ITFG1: variants seen among roughly 807,000 people sequenced by gnomAD.
ITFG1 encodes the protein T-cell immunomodulatory protein.
ITFG1 carries 34 observed loss-of-function variants against 81.8 expected under a neutral mutation model. The ratio of observed to expected loss-of-function variants is 0.42; its 90% CI spans 0.32 to 0.55. The LOEUF (loss-of-function observed/expected upper bound fraction) is 0.55, where lower values mean the gene tolerates loss of function less well. Among genes scored for constraint, ITFG1 ranks in the 20% least tolerant of loss-of-function variants. ITFG1 has a pLI of 0.17. For missense variants in ITFG1, 672 were observed against 755.4 expected (o/e 0.89, Z 1.29); for synonymous variants, 285 against 270.6 (o/e 1.05, Z -0.52).
intron 8 of ITFG1, among the ~76,000 whole-genome samples, chr16:47,336,612 T>C (rs1422662640): frequency 6.6e-6 from 1 of 152,154 alleles, no homozygotes; most frequent in Non-Finnish European, 1.5e-5. Context: ...CAAAAGATGA[T>C]GGATCAAGTC....
At position 47,162,648 on chromosome 16, in the gene ITFG1, T is replaced by G; in HGVS notation, c.1470A>C (p.Gln490His). 6.2e-7 allele frequency: 1 copy of G among 1,602,212 alleles called. No individual in the cohort carries two copies. Among genetic ancestry groups the G allele is most frequent in the Non-Finnish European group, 8.5e-7 (1 of 1,174,894 alleles). Residue 490 changes from glutamine (Q) to histidine (H), a missense_variant, in exon 15 of 18, where the codon CAA becomes CAC. Physicochemically the swap from Gln to His is conservative, Grantham distance 24. Transcript: ENST00000320640. Reference sequence around the variant, plus strand: ...GTAGTTGGAGAGCTAAATGTGCGGATTGGCTGAGTTGGCCAGCTAGAGTTA... The same window carrying G: ...GTAGTTGGAGAGCTAAATGTGCGGAGTGGCTGAGTTGGCCAGCTAGAGTTA... The part of the protein sequence containing the change: ...LKNGSAGQLS[Q>H]SAHLALQLPY...
intron 8 of ITFG1, among the ~76,000 whole-genome samples, chr16:47,359,132 C>T (rs1567473382): frequency 6.6e-6 from 1 of 152,164 alleles, no homozygotes; most frequent in Admixed American, 6.5e-5. Context: ...GGCAATGTGA[C>T]TGGAGCACAG....
chr16:47,305,376 C>T (rs1039208979), intron 10 of ITFG1, among the ~76,000 whole-genome samples: 1 of 152,026 alleles, frequency 6.6e-6, no homozygotes, highest in Admixed American at 6.5e-5. Flanking sequence ...TGAACAAAGA[C>T]ATTTTTCAAG....
intron 10 of ITFG1, among the ~76,000 whole-genome samples, chr16:47,309,068 C>CTTTTTT (rs1188663308): frequency 7.3e-6 from 1 of 136,318 alleles, no homozygotes; most frequent in Non-Finnish European, 1.6e-5. Flanking sequence ...AACATAACTT[C>CTTTTTT]TTTTTTTTTT....
At position 47,461,004 on chromosome 16, in the gene ITFG1, G is replaced by A. The variant is rs758228621; in HGVS notation, c.42C>T (p.Phe14=). Residue 14 remains phenylalanine (F), a synonymous_variant, in exon 1 of 18, where the codon TTC becomes TTT. Coordinates refer to ENST00000320640, the MANE Select transcript of ITFG1 (RefSeq NM_030790.5). ...GTGCAAGCCCTGCGAGGAGCGGCGA[G>A]AAGAGGGCCCAGGAGCTCGGGAGCC... The part of the protein sequence containing the change: ...AGRLPSSWAL[F]SPLLAGLALL... 30 of 1,562,904 alleles carry A rather than the reference G, an allele frequency of 1.9e-5. No homozygotes were observed. The highest frequency in any genetic ancestry group is 2.4e-5 in the Non-Finnish European group (28 of 1,155,004).
At chr16:47,453,028 G>A (rs1219939684) in intron 3 of ITFG1, among the ~76,000 whole-genome samples, 3 of 152,204 alleles carry the variant, frequency 2.0e-5, no homozygotes, top group East Asian at 3.9e-4. Flanking sequence ...CTCCTTTTGA[G>A]GTATGCATCT....
intron 12 of ITFG1, among the ~76,000 whole-genome samples, chr16:47,243,577 G>A (rs1221294827): frequency 1.3e-5 from 2 of 152,096 alleles, no homozygotes; most frequent in Middle Eastern, 3.2e-3. Flanking sequence ...AATATCCACT[G>A]AGAGATAAAA....
At chr16:47,177,067 C>T (rs928086820) in intron 14 of ITFG1, among the ~76,000 whole-genome samples, 4 of 151,816 alleles carry the variant, frequency 2.6e-5, no homozygotes, top group Non-Finnish European at 5.9e-5. Flanking sequence ...TCAAGTGATC[C>T]TCTGGCCTCA....
intron 10 of ITFG1, among the ~76,000 whole-genome samples, chr16:47,301,174 C>A (rs577434862): frequency 6.6e-6 from 1 of 152,128 alleles, no homozygotes; most frequent in East Asian, 1.9e-4. Flanking sequence ...AAACAAGCAC[C>A]ATTAGGCAAT....
At chr16:47,290,551 C>A (rs1476717135) in intron 10 of ITFG1, among the ~76,000 whole-genome samples, 2 of 152,132 alleles carry the variant, frequency 1.3e-5, no homozygotes, top group East Asian at 3.8e-4. Context: ...GTTCCTCAAT[C>A]ATTATATAAT....
intron 10 of ITFG1, among the ~76,000 whole-genome samples, chr16:47,266,851 A>G (rs1966282180): frequency 6.6e-6 from 1 of 152,254 alleles, no homozygotes; most frequent in South Asian, 2.1e-4. Context: ...ATATCTATAT[A>G]ACAAAATTCT....
At chr16:47,406,039 T>C (rs1181779133) in intron 6 of ITFG1, among the ~76,000 whole-genome samples, 1 of 152,216 alleles carries the variant, frequency 6.6e-6, no homozygotes, top group Non-Finnish European at 1.5e-5. Flanking sequence ...TCCATTACTT[T>C]GTCTCTCTGG....
chr16:47,460,699 G>A (rs1350864475), intron 1 of ITFG1, 139 bp downstream of exon 1: 6 of 910,788 alleles, frequency 6.6e-6, no homozygotes, highest in Non-Finnish European at 1.0e-5. Context: ...AAGCTGTTAA[G>A]AATGCTAAAG....
chr16:47,330,027 T>C (rs943928585), intron 8 of ITFG1, among the ~76,000 whole-genome samples: 5 of 152,028 alleles, frequency 3.3e-5, no homozygotes, highest in Non-Finnish European at 4.4e-5. Flanking sequence ...TAGTTTCTTC[T>C]GGAGAACATA....
chr16:47,364,244 A>G (rs1968147046), intron 8 of ITFG1, among the ~76,000 whole-genome samples: 1 of 152,180 alleles, frequency 6.6e-6, no homozygotes, highest in Non-Finnish European at 1.5e-5. Flanking sequence ...GCTATTAAAA[A>G]CATGGAGCAA....
rs557724639 is a variant in ITFG1, at chr16:47,453,761, T to C, written c.427+252A>G. On this transcript the variant is annotated intron_variant, in intron 3 of 17. Coordinates refer to ENST00000320640, the MANE Select transcript of ITFG1 (RefSeq NM_030790.5). ...GTTTATTCTTTAGCCATCTCAATGA[T>C]TCTGTGAGCCACTAAAATCCTTTAA... is the stretch of plus-strand genomic sequence containing the variant. Among the ~76,000 whole-genome samples, 16 of 152,326 alleles carry C rather than the reference T, an allele frequency of 1.1e-4. No homozygotes were observed. In the South Asian group the frequency reaches 2.5e-3, roughly 24 times the overall value.
chr16:47,193,844 TTTGTGTAAAGAA>T (rs1212252032), intron 14 of ITFG1, among the ~76,000 whole-genome samples: 1 of 152,162 alleles, frequency 6.6e-6, no homozygotes, highest in African/African-American at 2.4e-5. Context: ...AAATAAATGT[TTTGTGTAAAGAA>T]CAATTAAAAA....
intron 3 of ITFG1, 28 bp downstream of exon 3, chr16:47,453,985 A>T (rs762808952): frequency 7.7e-6 from 11 of 1,419,490 alleles, no homozygotes; most frequent in Admixed American, 2.1e-5. Context: ...TCAATGATAA[A>T]TATTAAAAAT....
At chr16:47,378,400 G>A (rs1968353916) in intron 6 of ITFG1, among the ~76,000 whole-genome samples, 2 of 152,202 alleles carry the variant, frequency 1.3e-5, no homozygotes, top group Non-Finnish European at 2.9e-5. Flanking sequence ...TATGGTTAAG[G>A]GGGATAGTTA....
Sources: allele counts gnomAD v4.1 joint callset (sites outside exome capture counted in the v4.1 genomes callset), GRCh38; gene constraint gnomAD v4.1.1; transcripts MANE v1.5; gene names NCBI Gene and HGNC (gene_info 2026-07-23, HGNC 2026-07-21).